Variants in DNAH11 observed in about 807,000 individuals in gnomAD.
The protein encoded by DNAH11 is dynein axonemal heavy chain 11.
Under a neutral mutation model 526.0 loss-of-function variants are expected in DNAH11, and 442 were observed. The ratio of observed to expected loss-of-function variants is 0.84; its 90% CI spans 0.78 to 0.91. The LOEUF is 0.91. Among genes scored for constraint, DNAH11 ranks in the 40% least tolerant of loss-of-function variants. The pLI is 0.00. For missense variants in DNAH11, 6,989 were observed against 5,448.7 expected (o/e 1.28, Z -8.90); for synonymous variants, 2,461 against 1,935.9 (o/e 1.27, Z -7.12).
At chr7:21,642,643 G>A (rs998454589) in intron 28 of DNAH11, among the ~76,000 whole-genome samples, 6 of 152,074 alleles carry the variant, frequency 3.9e-5, no homozygotes, top group East Asian at 1.9e-4. Flanking sequence ...CATAAAAGGC[G>A]CCCTGTGTGG....
intron 25 of DNAH11, among the ~76,000 whole-genome samples, chr7:21,631,678 A>G (rs1051302359): frequency 2.0e-4 from 30 of 152,338 alleles, no homozygotes; most frequent in African/African-American, 7.2e-4. Context: ...ACGCTGATGC[A>G]AGAGGTGGGT....
chr7:21,556,197 C>T (rs1783212066), intron 2 of DNAH11, among the ~76,000 whole-genome samples: 1 of 152,170 alleles, frequency 6.6e-6, no homozygotes, highest in Non-Finnish European at 1.5e-5. Flanking sequence ...AAACTTTCCT[C>T]CCTTTTAGGG....
At chr7:21,684,020 G>C in intron 32 of DNAH11, 76 bp downstream of exon 32, 35 of 1,413,852 alleles carry the variant, frequency 2.5e-5, no homozygotes, top group Non-Finnish European at 2.8e-5. Flanking sequence ...GAAAAGGAAG[G>C]AATGAGAGGA....
chr7:21,874,334 T>TTTG (rs1554291355), intron 74 of DNAH11, among the ~76,000 whole-genome samples: 2 of 151,234 alleles, frequency 1.3e-5, no homozygotes, highest in South Asian at 2.1e-4. Context: ...CATGGTTTTT[T>TTTG]TTTGTTTTTG....
chr7:21,750,343 C>T lies in DNAH11; in HGVS notation c.8919C>T (p.Ala2973=), dbSNP rs745646606. ...AAAACTGTTGGAAATTCTTTATGGC[C>T]AGGGTGCGACTACAGCTCAAAGTAA... The part of the protein sequence containing the change: ...SRENCWKFFM[A]RVRLQLKIIL... Residue 2973 remains alanine (A), a synonymous_variant, in exon 54 of 82, where the codon GCC becomes GCT. Transcript: ENST00000409508. 4 of 1,604,830 alleles carry T rather than the reference C, an allele frequency of 2.5e-6. No individual in the cohort carries two copies. Among genetic ancestry groups the T allele is most frequent in the Non-Finnish European group, 3.4e-6 (4 of 1,175,530 alleles).
chr7:21,854,578 C>T, intron 68 of DNAH11, 123 bp downstream of exon 68: 1 of 1,101,312 alleles, frequency 9.1e-7, no homozygotes, highest in Non-Finnish European at 1.2e-6. Context: ...GAGACAGAGT[C>T]TCACTCTGTA....
At chr7:21,730,100 A>G (rs564410080) in intron 45 of DNAH11, among the ~76,000 whole-genome samples, 9 of 152,232 alleles carry the variant, frequency 5.9e-5, no homozygotes, top group Non-Finnish European at 1.0e-4. Context: ...TTGAGCTACC[A>G]TATGATCTAG....
At chr7:21,743,478 T>G (rs1374104225) in intron 49 of DNAH11, among the ~76,000 whole-genome samples, 1 of 152,186 alleles carries the variant, frequency 6.6e-6, no homozygotes, top group Non-Finnish European at 1.5e-5. Context: ...ACAGTAAAAA[T>G]GGATGGCTGA....
intron 81 of DNAH11, 41 bp from the exon 82 acceptor site, chr7:21,900,966 C>G: frequency 6.6e-7 from 1 of 1,523,452 alleles, no homozygotes; most frequent in Non-Finnish European, 8.8e-7. Context: ...TCATTAGTAG[C>G]AAGCTGCCAC....
rs72657374 is a variant in DNAH11 at position 21,765,597 on chromosome 7, G to A, written c.9102+8G>A. The A allele has an allele frequency of 0.016, 25,164 of 1,548,870 alleles. 278 individuals are homozygous for A. The highest frequency in any genetic ancestry group is 0.025 in the Middle Eastern group (133 of 5,318). On this transcript the variant is annotated splice_region_variant and intron_variant, in intron 55 of 81. Coordinates refer to ENST00000409508, the MANE Select transcript of DNAH11 (RefSeq NM_001277115.2). ...GAAACCAAGGGAATTGAGGTATGCC[G>A]TGTCAGCCTGCGTCACACACACACA...
chr7:21,668,707 A>C (rs981798685), intron 30 of DNAH11, among the ~76,000 whole-genome samples: 5 of 152,204 alleles, frequency 3.3e-5, no homozygotes, highest in African/African-American at 1.2e-4. Context: ...TACATTGTAT[A>C]CGTGTACCAC....
At chr7:21,702,900 T>G (rs539423707) in intron 37 of DNAH11, 98 bp downstream of exon 37, 34 of 1,048,424 alleles carry the variant, frequency 3.2e-5, no homozygotes, top group Non-Finnish European at 4.7e-5. Context: ...ACAGCACAAC[T>G]TTTAAAAAGC....
chr7:21,682,525 C>CA (rs60337481), intron 31 of DNAH11, among the ~76,000 whole-genome samples: 983 of 95,050 alleles, frequency 0.01, 12 homozygotes, highest in African/African-American at 0.018. Context: ...GACTCCATCT[C>CA]AAAAAAAAAA....
intron 65 of DNAH11, among the ~76,000 whole-genome samples, chr7:21,826,320 A>AC (rs1270686724): frequency 3.0e-4 from 45 of 152,288 alleles, no homozygotes; most frequent in African/African-American, 1.0e-3. Context: ...AAAAGTATTC[A>AC]TACATATGCA....
chr7:21,830,472 G>A (rs1223855898), intron 65 of DNAH11, among the ~76,000 whole-genome samples: 1 of 152,094 alleles, frequency 6.6e-6, no homozygotes, highest in African/African-American at 2.4e-5. Flanking sequence ...TTACTGAGTC[G>A]ATCATATTCT....
chr7:21,586,105 G>C (rs182627265), intron 9 of DNAH11, among the ~76,000 whole-genome samples: 44 of 152,126 alleles, frequency 2.9e-4, no homozygotes, highest in Non-Finnish European at 5.6e-4. Context: ...CTACTTTTTG[G>C]CTTTACAACC....
At chr7:21,698,732 G>T (rs1272417878) in intron 36 of DNAH11, among the ~76,000 whole-genome samples, 1 of 152,050 alleles carries the variant, frequency 6.6e-6, no homozygotes, top group African/African-American at 2.4e-5. Context: ...GGACATTTAG[G>T]CTAGTCCATA....
intron 65 of DNAH11, among the ~76,000 whole-genome samples, chr7:21,830,579 G>C (rs114008374): frequency 2.0e-5 from 3 of 152,152 alleles, no homozygotes; most frequent in African/African-American, 7.2e-5. Flanking sequence ...ATGTTATGCA[G>C]TGAAATGAAC....
At chr7:21,586,817 T>TTAACATATGTTAACATAAATAACATA (rs1784492792) in intron 9 of DNAH11, among the ~76,000 whole-genome samples, 1 of 152,178 alleles carries the variant, frequency 6.6e-6, no homozygotes, top group African/African-American at 2.4e-5. Flanking sequence ...ACTAACATAT[T>TTAACATATGTTAACATAAATAACATA]ATAAAGCCCA....
Sources: gnomAD v4.1 joint callset for allele counts (sites outside exome capture counted in the v4.1 genomes callset) on GRCh38, gnomAD v4.1.1 for gene constraint, MANE v1.5 for transcripts, NCBI Gene and HGNC (gene_info 2026-07-23, HGNC 2026-07-21) for gene names.